Variants in WHRN observed in about 807,000 individuals in gnomAD.
WHRN encodes the protein CASK-interacting protein CIP98.
A neutral mutation model predicts 68.3 loss-of-function variants in WHRN; 41 were observed. The observed-to-expected ratio is 0.60, with a 90% confidence interval of 0.47 to 0.78. WHRN has a LOEUF of 0.78. Among genes scored for constraint, WHRN ranks in the 30% least tolerant of loss-of-function variants. WHRN has a pLI of 0.00. For missense variants in WHRN, 1,243 were observed against 1,244.7 expected (o/e 1.00, Z 0.02); for synonymous variants, 560 against 561.3 (o/e 1.00, Z 0.03).
chr9:114,402,942 G>A lies in WHRN; in HGVS notation c.2542-6C>T. ...TTGTGAGCTGAGCCGCCTCTCTGCA[G>A]GGAGGAGACACAGGGCATGGGGTGC... On this transcript the variant is annotated splice_polypyrimidine_tract_variant and splice_region_variant and intron_variant, in intron 11 of 11. Coordinates refer to ENST00000362057, the MANE Select transcript of WHRN (RefSeq NM_015404.4). The A allele has an allele frequency of 2.5e-6, 4 of 1,607,782 alleles. No homozygotes were observed. The highest frequency in any genetic ancestry group is 2.2e-5 in the South Asian group (2 of 90,198).
chr9:114,470,214 A>G (rs568634458), intron 2 of WHRN, among the ~76,000 whole-genome samples: 22 of 152,264 alleles, frequency 1.4e-4, no homozygotes, highest in African/African-American at 4.6e-4. Context: ...TATTCCCAGG[A>G]GCCCAGCCAA....
At chr9:114,495,236 G>A (rs1843351671) in intron 1 of WHRN, among the ~76,000 whole-genome samples, 1 of 152,244 alleles carries the variant, frequency 6.6e-6, no homozygotes, top group African/African-American at 2.4e-5. Flanking sequence ...GTTGTAGACA[G>A]GGCACAGCTT....
chr9:114,446,515 A>G (rs954127764), intron 3 of WHRN, among the ~76,000 whole-genome samples: 3 of 152,230 alleles, frequency 2.0e-5, no homozygotes, highest in African/African-American at 7.2e-5. Flanking sequence ...TTGTATCTCA[A>G]AAAACAAACG....
rs559315965 is a variant in WHRN, at chr9:114,458,597, C to T, written c.963+7670G>A. On this transcript the variant is annotated intron_variant, in intron 3 of 11. Coordinates refer to ENST00000362057, the MANE Select transcript of WHRN (RefSeq NM_015404.4). ...TGTTTGATGGCGGCAGAGGGGGTGG[C>T]CCTGTCCCTCCCTGGGTGCCCCAGG... Among the ~76,000 whole-genome samples, 3 of 152,262 alleles carry T rather than the reference C, an allele frequency of 2.0e-5. No homozygotes were observed. The East Asian group carries it at 5.8e-4, about 29-fold the overall frequency.
chr9:114,424,317 G>A lies in WHRN; in HGVS notation c.1416+17C>T, dbSNP rs1399018892. On this transcript the variant is annotated intron_variant, in intron 6 of 11. Coordinates refer to ENST00000362057, the MANE Select transcript of WHRN (RefSeq NM_015404.4). ...CTGGAAATGCTGAAGCCAGTTGGGA[G>A]GCAGGGCACGGGTCACCTTGGCGTG... 1 of 1,612,112 alleles carries A rather than the reference G, an allele frequency of 6.2e-7. No individual in the cohort carries two copies. Among genetic ancestry groups the A allele is most frequent in the South Asian group, 1.1e-5 (1 of 90,988 alleles).
At chr9:114,452,482 G>A (rs1438471063) in intron 3 of WHRN, among the ~76,000 whole-genome samples, 1 of 152,240 alleles carries the variant, frequency 6.6e-6, no homozygotes, top group Non-Finnish European at 1.5e-5. Flanking sequence ...AAGTGACTGT[G>A]GAGAAGGCAG....
In WHRN at chr9:114,492,495, G is replaced by A. The variant is rs903956162; in HGVS notation, c.618+11689C>T. 5.3e-5 allele frequency among the ~76,000 whole-genome samples: 8 copies of A among 152,106 alleles called. No homozygotes were observed. The East Asian group carries it at 9.6e-4, about 18-fold the overall frequency. On this transcript the variant is annotated intron_variant, in intron 1 of 11. Transcript: ENST00000362057. ...GGTGGGAACACAGTCATCATACATCGCTTGGTGTAACGAATAGGCTAGATA... is the reference window on the plus strand; with the variant it reads ...GGTGGGAACACAGTCATCATACATCACTTGGTGTAACGAATAGGCTAGATA...
At chr9:114,428,020 T>C (rs987305147) in intron 3 of WHRN, among the ~76,000 whole-genome samples, 29 of 152,018 alleles carry the variant, frequency 1.9e-4, no homozygotes, top group African/African-American at 6.5e-4. Context: ...CAGCACACAG[T>C]AGGAATTAAA....
intron 1 of WHRN, among the ~76,000 whole-genome samples, chr9:114,496,742 A>T (rs1190454003): frequency 6.6e-6 from 1 of 152,226 alleles, no homozygotes; most frequent in Non-Finnish European, 1.5e-5. Flanking sequence ...GAGTAACAGA[A>T]AGGCAAAGGG....
chr9:114,406,795 G>A lies in WHRN; in HGVS notation c.1796C>T (p.Pro599Leu), dbSNP rs1286700122. 4 of 1,613,516 alleles carry A rather than the reference G, an allele frequency of 2.5e-6. No individual in the cohort carries two copies. Among genetic ancestry groups the A allele is most frequent in the Non-Finnish European group, 3.4e-6 (4 of 1,179,712 alleles). ...AQGNDLPLGQ[P>L]RKLGREDLQP... Reference sequence around the variant, plus strand: ...GAGGTCCTCTCTCCCCAGCTTCCTTGGCTGGCCTAGTGGGAGGTCGTTGCC... The same window carrying A: ...GAGGTCCTCTCTCCCCAGCTTCCTTAGCTGGCCTAGTGGGAGGTCGTTGCC... The change falls in exon 9 of 12, where the codon CCA becomes CTA. Residue 599 changes from proline to leucine, a missense_variant. Coordinates refer to ENST00000362057, the MANE Select transcript of WHRN (RefSeq NM_015404.4).
intron 7 of WHRN, among the ~76,000 whole-genome samples, chr9:114,418,065 G>A (rs568187064): frequency 2.5e-4 from 38 of 152,198 alleles, no homozygotes; most frequent in Non-Finnish European, 5.3e-4. Flanking sequence ...TGCGTACTCT[G>A]CAGGAGGGCT....
At chr9:114,482,829 T>A (rs1842197342) in intron 1 of WHRN, among the ~76,000 whole-genome samples, 1 of 152,126 alleles carries the variant, frequency 6.6e-6, no homozygotes, top group African/African-American at 2.4e-5. Context: ...ATGCCCTTGA[T>A]GAGAACACCA....
At chr9:114,483,556 G>C (rs760585624) in intron 1 of WHRN, among the ~76,000 whole-genome samples, 2 of 151,948 alleles carry the variant, frequency 1.3e-5, no homozygotes, top group African/African-American at 2.4e-5. Context: ...GGCCACCTGG[G>C]GGATCGCGAG....
intron 1 of WHRN, among the ~76,000 whole-genome samples, chr9:114,489,495 C>CACACACACGCACACACGCGT (rs1392792365): frequency 5.9e-5 from 7 of 118,036 alleles, no homozygotes; most frequent in African/African-American, 1.6e-4. Context: ...CACACGTACA[C>CACACACACGCACACACGCGT]ACACACACGC....
At chr9:114,490,904 T>G (rs1254939332) in intron 1 of WHRN, among the ~76,000 whole-genome samples, 3 of 152,268 alleles carry the variant, frequency 2.0e-5, no homozygotes, top group Non-Finnish European at 4.4e-5. Flanking sequence ...TCCTCTTTAA[T>G]GCAATTCTTC....
intron 7 of WHRN, among the ~76,000 whole-genome samples, chr9:114,421,931 G>A (rs1164798508): frequency 6.6e-6 from 1 of 152,138 alleles, no homozygotes; most frequent in Non-Finnish European, 1.5e-5. Context: ...ACTCAGGATG[G>A]GAGGGATAGG....
intron 3 of WHRN, among the ~76,000 whole-genome samples, chr9:114,460,766 A>G (rs1840180690): frequency 6.6e-6 from 1 of 152,234 alleles, no homozygotes. Flanking sequence ...TGGGCTGAGC[A>G]GCTGGAAGCA....
intron 3 of WHRN, among the ~76,000 whole-genome samples, chr9:114,464,857 TGATGATGATGTC>T (rs1412935572): frequency 4.4e-5 from 5 of 112,494 alleles, no homozygotes; most frequent in African/African-American, 2.2e-4. Context: ...ATGATGATGA[TGATGATGATGTC>T]GTCTGTCTGT....
intron 7 of WHRN, among the ~76,000 whole-genome samples, chr9:114,421,868 C>A (rs981871456): frequency 1.1e-4 from 17 of 152,080 alleles, no homozygotes; most frequent in African/African-American, 3.9e-4. Flanking sequence ...GAATGCAGGG[C>A]GACTTGTGGG....
Sources: gnomAD v4.1 joint callset for allele counts (sites outside exome capture counted in the v4.1 genomes callset) on GRCh38, gnomAD v4.1.1 for gene constraint, MANE v1.5 for transcripts, NCBI Gene and HGNC (gene_info 2026-07-23, HGNC 2026-07-21) for gene names.